MAP3K2: variants seen among roughly 807,000 people sequenced by gnomAD.
MAP3K2 encodes mitogen-activated protein kinase kinase kinase 2.
A neutral mutation model predicts 80.3 loss-of-function variants in MAP3K2; 24 were observed. The observed-to-expected ratio is 0.30, with a 90% confidence interval of 0.22 to 0.42. The LOEUF is 0.42. MAP3K2 is among the 10% of genes least tolerant of loss of function. The pLI, the probability that MAP3K2 is intolerant of heterozygous loss-of-function variation, is 1.00. For missense variants in MAP3K2, 608 were observed against 750.1 expected, an observed-to-expected ratio of 0.81 and a Z score of 2.21; for synonymous variants, 244 against 253.7, an observed-to-expected ratio of 0.96 and a Z score of 0.36.
At chr2:127,377,401 T>A (rs546184800) in intron 1 of MAP3K2, among the ~76,000 whole-genome samples, 121 of 151,722 alleles carry the variant, frequency 8.0e-4, no homozygotes, top group African/African-American at 2.9e-3. Flanking sequence ...TTTTTTTTTT[T>A]AAACTACATT....
intron 3 of MAP3K2, among the ~76,000 whole-genome samples, chr2:127,338,371 G>A (rs1244250256): frequency 6.6e-6 from 1 of 152,128 alleles, no homozygotes; most frequent in Non-Finnish European, 1.5e-5. Flanking sequence ...TACATGAGCA[G>A]TTTTCTTATA....
intron 1 of MAP3K2, among the ~76,000 whole-genome samples, chr2:127,343,659 A>G (rs1157554591): frequency 2.6e-5 from 4 of 152,218 alleles, no homozygotes; most frequent in Non-Finnish European, 2.9e-5. Context: ...TATACAATAT[A>G]TAATAATATA....
intron 11 of MAP3K2, 47 bp downstream of exon 11, chr2:127,323,855 G>T: frequency 2.2e-6 from 2 of 922,570 alleles, no homozygotes; most frequent in South Asian, 1.8e-5. Context: ...TATTTTTGTT[G>T]TTGAGATTTT....
In MAP3K2 at chr2:127,303,468, C is replaced by T. The variant is rs1277147363; in HGVS notation, c.*4111G>A. 6.6e-6 allele frequency: 1 copy of T among 152,068 alleles called. No individual in the cohort carries two copies. The highest frequency in any genetic ancestry group is 1.5e-5 in the Non-Finnish European group (1 of 67,986). The allele number at this position is 152,068 out of a possible 1,614,324, so 9.4% of individuals were successfully genotyped here. A position where few individuals can be genotyped will look rare whatever the true frequency, so the allele number is the denominator to read the frequency against. On this transcript the variant is annotated 3_prime_UTR_variant, in exon 17 of 17. Coordinates refer to ENST00000682094, the MANE Select transcript of MAP3K2 (RefSeq NM_001371910.2). ...TGACCTGGTTGGGGAGGGGATCCCTCTAGTTTGGAGATACTTTTACTCTAA... is the reference window on the plus strand; with the variant it reads ...TGACCTGGTTGGGGAGGGGATCCCTTTAGTTTGGAGATACTTTTACTCTAA...
chr2:127,367,619 C>T (rs965204163), intron 1 of MAP3K2, among the ~76,000 whole-genome samples: 3 of 152,020 alleles, frequency 2.0e-5, no homozygotes, highest in African/African-American at 7.2e-5. Flanking sequence ...ATGGTGAAAC[C>T]CTATCTCCAC....
chr2:127,350,778 T>G (rs117414192), intron 1 of MAP3K2, among the ~76,000 whole-genome samples: 1 of 151,578 alleles, frequency 6.6e-6, no homozygotes, highest in East Asian at 1.9e-4. Context: ...CTTTCTAGTG[T>G]AGAAAGCCAG....
At chr2:127,372,306 C>T (rs774388183) in intron 1 of MAP3K2, among the ~76,000 whole-genome samples, 3 of 152,052 alleles carry the variant, frequency 2.0e-5, no homozygotes, top group Admixed American at 2.0e-4. Flanking sequence ...GTCCCCAATG[C>T]CCAGAAAGGG....
intron 8 of MAP3K2, 143 bp from the exon 9 acceptor site, chr2:127,325,950 TGA>T (rs1477930436): frequency 3.3e-6 from 2 of 615,164 alleles, no homozygotes; most frequent in Non-Finnish European, 5.7e-6. Flanking sequence ...TTTAGAATAC[TGA>T]GAGTTGTGCA....
intron 1 of MAP3K2, among the ~76,000 whole-genome samples, chr2:127,370,074 T>C (rs776529505): frequency 5.4e-5 from 7 of 129,750 alleles, no homozygotes; most frequent in Non-Finnish European, 7.7e-5. Context: ...ACTTAGACCA[T>C]GGAACCTGGC....
chr2:127,309,977 C>A lies in MAP3K2; in HGVS notation c.1457-1215G>T, dbSNP rs554096504. Among the ~76,000 whole-genome samples, 9 of 152,292 alleles carry A rather than the reference C, an allele frequency of 5.9e-5. No homozygotes were observed. In the East Asian group the frequency reaches 1.5e-3, roughly 26 times the overall value. On this transcript the variant is annotated intron_variant, in intron 15 of 16. Transcript: ENST00000682094. ...CACAATTAAGGAGTAAAGAGTTATG[C>A]TCCAGGCTGAGTAGCTACATAAATT...
At chr2:127,347,401 A>G (rs1200607545) in intron 1 of MAP3K2, among the ~76,000 whole-genome samples, 4 of 152,184 alleles carry the variant, frequency 2.6e-5, no homozygotes, top group Non-Finnish European at 5.9e-5. Context: ...GCAGGATACA[A>G]GGTCAACATT....
rs1686041967 is a variant in MAP3K2 at position 127,322,355 on chromosome 2, T to G, written c.839-103A>C. The G allele has an allele frequency of 2.8e-6, 2 of 712,554 alleles. No homozygotes were observed. Among genetic ancestry groups the G allele is most frequent in the East Asian group, 5.4e-5 (2 of 36,838 alleles). The allele number at this position is 712,554 out of a possible 1,614,324, so 44.1% of individuals were successfully genotyped here. A position where few individuals can be genotyped will look rare whatever the true frequency, so the allele number is the denominator to read the frequency against. On this transcript the variant is annotated intron_variant, in intron 11 of 16. Transcript: ENST00000682094. The surrounding 1 kb of genome is among the most constrained non-coding windows in gnomAD (Gnocchi z 4.2). ...AGAGAATAGAAATTTGTCCTGTGAC[T>G]AGGCTAAGAAACTCAAATAGGAATG...
In MAP3K2 at chr2:127,309,486, T is replaced by A. The variant is rs1398582424; in HGVS notation, c.1457-724A>T. 2.0e-5 allele frequency among the ~76,000 whole-genome samples: 3 copies of A among 152,322 alleles called. No individual in the cohort carries two copies. In the East Asian group the frequency reaches 5.8e-4, roughly 29 times the overall value. The stretch of plus-strand genomic sequence containing the variant: ...CTTAGTATGGTACATTTGCCACAAT[T>A]AATAAACCAATACTGAAATATTATT... On this transcript the variant is annotated intron_variant, in intron 15 of 16. Transcript: ENST00000682094.
chr2:127,317,822 T>A, intron 13 of MAP3K2, 62 bp from the exon 14 acceptor site: 1 of 1,455,682 alleles, frequency 6.9e-7, no homozygotes, highest in Non-Finnish European at 9.4e-7. Flanking sequence ...AAATTCTAAC[T>A]TCATGGACCA....
At chr2:127,372,316 G>C (rs931451456) in intron 1 of MAP3K2, among the ~76,000 whole-genome samples, 1 of 152,184 alleles carries the variant, frequency 6.6e-6, no homozygotes, top group Non-Finnish European at 1.5e-5. Context: ...CCCAGAAAGG[G>C]GGAAAGGGAC....
At position 127,339,021 on chromosome 2, in the gene MAP3K2, G is replaced by C; in HGVS notation, c.34C>G (p.Gln12Glu). The change falls in exon 3 of 17, where the codon CAA (glutamine) becomes GAA (glutamate). Residue 12 changes from glutamine (Q) to glutamate (E), a missense_variant. This residue lies in a region of MAP3K2 where 467 missense variants were observed against 521.9 expected (regional missense o/e 0.89). Transcript: ENST00000682094. This position sits in a 1 kb window ranked among gnomAD's most constrained non-coding sequence, Gnocchi z 4.2. ...DDQQALNSIM[Q>E]DLAVLHKASR... is the part of the protein sequence containing the mutation. The stretch of plus-strand genomic sequence containing the variant: ...GCCTTATGAAGGACAGCCAAATCTT[G>C]CATGATTGAGTTCAAAGCTTGCTGA... 1.2e-6 allele frequency: 2 copies of C among 1,612,020 alleles called. No individual in the cohort carries two copies. The highest frequency in any genetic ancestry group is 1.1e-5 in the South Asian group (1 of 90,468).
chr2:127,343,344 G>T lies in MAP3K2; in HGVS notation c.-65-150C>A, dbSNP rs987944588. The T allele has an allele frequency of 1.2e-5, 6 of 481,186 alleles. No individual in the cohort carries two copies. In the East Asian group the frequency reaches 1.5e-4, roughly 12 times the overall value. The allele number at this position is 481,186 out of a possible 1,614,324, so 29.8% of individuals were successfully genotyped here. A position where few individuals can be genotyped will look rare whatever the true frequency, so the allele number is the denominator to read the frequency against. The stretch of plus-strand genomic sequence containing the variant: ...TCGCTAGGGGGAGGTGTTTTATATT[G>T]AAGGTTGATCATGTAGGCACCCCCT... On this transcript the variant is annotated intron_variant, in intron 1 of 16. Transcript: ENST00000682094.
intron 5 of MAP3K2, among the ~76,000 whole-genome samples, chr2:127,334,391 A>G (rs1436275529): frequency 7.2e-5 from 11 of 152,226 alleles, no homozygotes; most frequent in Non-Finnish European, 1.3e-4. Context: ...AGGCTCCCCT[A>G]TAATCATCCT....
At chr2:127,368,583 C>T (rs1687011676) in intron 1 of MAP3K2, among the ~76,000 whole-genome samples, 1 of 152,034 alleles carries the variant, frequency 6.6e-6, no homozygotes, top group Non-Finnish European at 1.5e-5. Context: ...GATCGTGCCA[C>T]TGCACTCCAG....
Sources: allele counts gnomAD v4.1 joint callset (sites outside exome capture counted in the v4.1 genomes callset), GRCh38; gene constraint gnomAD v4.1.1; regional missense constraint gnomAD v4.1.1; non-coding constraint Gnocchi (gnomAD v3.1); transcripts MANE v1.5; gene names NCBI Gene and HGNC (gene_info 2026-07-23, HGNC 2026-07-21).